The following NIPAL3 variants were observed in gnomAD, a reference collection of about 807,000 sequenced individuals.
The protein encoded by NIPAL3 is NIPA-like protein 3.
In NIPAL3, 41 loss-of-function variants were observed where a neutral mutation model predicts 47.2. That is an observed-to-expected ratio of 0.87 (90% CI 0.68 to 1.13). NIPAL3 has a LOEUF of 1.13. Among genes scored for constraint, NIPAL3 ranks in the 50% most tolerant of loss-of-function variants. The probability of loss-of-function intolerance (pLI) is 0.00; values close to 1 mark genes in which losing one functional copy is unlikely to be tolerated. For synonymous variants in NIPAL3, 194 were observed against 209.6 expected, an observed-to-expected ratio of 0.93 and a Z score of 0.64; for missense variants, 449 against 530.1, an observed-to-expected ratio of 0.85 and a Z score of 1.50.
intron 5 of NIPAL3, among the ~76,000 whole-genome samples, chr1:24,447,743 C>T (rs145009348): frequency 6.6e-5 from 10 of 152,278 alleles, no homozygotes; most frequent in South Asian, 2.1e-4. Context: ...GGATGAGAGC[C>T]GTGCTAGTCC....
chr1:24,440,330 A>C (rs1176763959), intron 3 of NIPAL3, 90 bp downstream of exon 3: 1 of 1,012,724 alleles, frequency 9.9e-7, no homozygotes, highest in Non-Finnish European at 1.4e-6. Context: ...TCCTCTCTGC[A>C]GGGCCTTGCC....
At chr1:24,439,575 A>G (rs1210196346) in intron 2 of NIPAL3, among the ~76,000 whole-genome samples, 1 of 152,106 alleles carries the variant, frequency 6.6e-6, no homozygotes, top group Non-Finnish European at 1.5e-5. Context: ...TACCTTGTCT[A>G]AGATATTATT....
intron 1 of NIPAL3, among the ~76,000 whole-genome samples, chr1:24,418,714 T>C (rs1211461459): frequency 2.6e-5 from 4 of 152,166 alleles, no homozygotes; most frequent in African/African-American, 9.7e-5. Context: ...ACCCCCACTT[T>C]ACAGAGGAGG....
intron 10 of NIPAL3, among the ~76,000 whole-genome samples, chr1:24,461,928 A>G (rs1375518562): frequency 1.3e-5 from 2 of 152,084 alleles, no homozygotes; most frequent in East Asian, 1.9e-4. Flanking sequence ...TTCTTTACCC[A>G]AAAGAAAGAG....
chr1:24,414,823 G>C (rs554348123), upstream of NIPAL3: 279 of 152,182 alleles, frequency 1.8e-3, 1 homozygote, highest in Admixed American at 2.0e-3. Context: ...GAGCCACCGC[G>C]CCGGCCCCCA....
chr1:24,417,471 G>A (rs994090498), intron 1 of NIPAL3, among the ~76,000 whole-genome samples: 2 of 152,200 alleles, frequency 1.3e-5, no homozygotes, highest in African/African-American at 4.8e-5. Flanking sequence ...TCACATGTAC[G>A]TGAAAGTATA....
In NIPAL3 at chr1:24,419,299, A is replaced by G. The variant is rs983412966; in HGVS notation, c.-249A>G. 8.2e-7 allele frequency: 1 copy of G among 1,212,798 alleles called. No homozygotes were observed. The highest frequency in any genetic ancestry group is 1.0e-6 in the Non-Finnish European group (1 of 974,516). 75.1% of individuals were successfully genotyped at this position (1,212,798 alleles called of 1,614,324 possible). Reference sequence around the variant, plus strand: ...CCTCTCCACCACCCTAGAGCACCGCAAGAACTGGAAAACACACCCCTCTCT... The same window carrying G: ...CCTCTCCACCACCCTAGAGCACCGCGAGAACTGGAAAACACACCCCTCTCT... On this transcript the variant is annotated 5_prime_UTR_variant, in exon 2 of 12. Transcript: ENST00000374399.
rs1646869850 is a variant in NIPAL3 at position 24,470,533 on chromosome 1, C to A, written c.*1348C>A. 1 of 152,198 alleles carries A rather than the reference C, an allele frequency of 6.6e-6. No homozygotes were observed. Among genetic ancestry groups the A allele is most frequent in the African/African-American group, 2.4e-5 (1 of 41,444 alleles). 9.4% of individuals were successfully genotyped at this position (152,198 alleles called of 1,614,324 possible). ...ATGTTCTGCTAAAACCCCCAGGGCC[C>A]CATGCAGTCTTGCTAGAAAATTTCC... On this transcript the variant is annotated 3_prime_UTR_variant, in exon 12 of 12. Transcript: ENST00000374399.
chr1:24,456,834 C>A (rs1646237283), intron 8 of NIPAL3, among the ~76,000 whole-genome samples: 1 of 152,154 alleles, frequency 6.6e-6, no homozygotes. Context: ...GCCATCTCGG[C>A]TCACTGTAAC....
chr1:24,451,862 A>G lies in NIPAL3; in HGVS notation c.541-1546A>G, dbSNP rs1270230222. Among the ~76,000 whole-genome samples the G allele has an allele frequency of 6.6e-6, 1 of 152,236 alleles. No homozygotes were observed. The highest frequency in any genetic ancestry group is 1.9e-4 in the East Asian group (1 of 5,204). ...GATAATTATGACAACTTCACAAAACATGAAGATTGTTTATGGTAACTAAAA... is the reference window on the plus strand; with the variant it reads ...GATAATTATGACAACTTCACAAAACGTGAAGATTGTTTATGGTAACTAAAA... On this transcript the variant is annotated intron_variant, in intron 6 of 11. Coordinates refer to ENST00000374399, the MANE Select transcript of NIPAL3 (RefSeq NM_020448.5). The surrounding 1 kb of genome is among the most constrained non-coding windows in gnomAD (Gnocchi z 4.5).
intron 6 of NIPAL3, among the ~76,000 whole-genome samples, 173 bp from the exon 7 acceptor site, chr1:24,453,235 C>G (rs1211537280): frequency 1.3e-5 from 2 of 152,136 alleles, no homozygotes; most frequent in Non-Finnish European, 2.9e-5. Context: ...GAGATTCACT[C>G]TGTGTTTCCC....
Position 24,416,491 on chromosome 1 carries a change from C to G in NIPAL3, c.-258+587C>G. The G allele has an allele frequency of 4.3e-6, 1 of 234,802 alleles. No homozygotes were observed. The highest frequency in any genetic ancestry group is 7.0e-6 in the Non-Finnish European group (1 of 143,686). 14.5% of individuals were successfully genotyped at this position (234,802 alleles called of 1,614,324 possible). ...CGAATACAGACGCTATGAGCCACGG[C>G]TGTCTCATTTGTAAAACGTGCTCTG... On this transcript the variant is annotated intron_variant, in intron 1 of 11. Coordinates refer to ENST00000374399, the MANE Select transcript of NIPAL3 (RefSeq NM_020448.5). The surrounding 1 kb of genome is among the most constrained non-coding windows in gnomAD (Gnocchi z 4.8).
intron 5 of NIPAL3, among the ~76,000 whole-genome samples, chr1:24,446,425 C>G (rs1645668344): frequency 1.3e-5 from 2 of 151,946 alleles, no homozygotes; most frequent in South Asian, 4.2e-4. Context: ...CTCCCTCCCC[C>G]AAACCCCCAC....
chr1:24,448,094 G>A (rs568301237), intron 5 of NIPAL3, among the ~76,000 whole-genome samples: 80 of 152,250 alleles, frequency 5.3e-4, no homozygotes, highest in African/African-American at 1.9e-3. Context: ...TTGAACAACC[G>A]TTTTTTGAGC....
Sources: allele counts gnomAD v4.1 joint callset (sites outside exome capture counted in the v4.1 genomes callset), GRCh38; gene constraint gnomAD v4.1.1; non-coding constraint Gnocchi (gnomAD v3.1); transcripts MANE v1.5; gene names NCBI Gene and HGNC (gene_info 2026-07-23, HGNC 2026-07-21).